The following MARCHF1 variants were observed in gnomAD, a reference collection of about 807,000 sequenced individuals.
MARCHF1 encodes E3 ubiquitin-protein ligase MARCHF1.
MARCHF1 carries 40 observed loss-of-function variants against 54.2 expected under a neutral mutation model. That is an observed-to-expected ratio of 0.74 (90% CI 0.57 to 0.96). MARCHF1 has a LOEUF of 0.96. MARCHF1 is among the 40% of genes least tolerant of loss of function. MARCHF1 has a pLI of 0.00. For missense variants in MARCHF1, 586 were observed against 656.5 expected (o/e 0.89, Z 1.17); for synonymous variants, 236 against 236.3 (o/e 1.00, Z 0.01).
chr4:163,719,535 G>C (rs562200248), intron 4 of MARCHF1, among the ~76,000 whole-genome samples: 3 of 151,952 alleles, frequency 2.0e-5, no homozygotes, highest in Non-Finnish European at 4.4e-5. Flanking sequence ...TAATCCTTTG[G>C]GTATATACGC....
intron 3 of MARCHF1, among the ~76,000 whole-genome samples, chr4:163,907,330 G>C (rs4356874): frequency 0.54 from 82,309 of 151,746 alleles, 23,371 homozygotes; most frequent in Middle Eastern, 0.67. Flanking sequence ...GTGTAATTTT[G>C]TCTTGTTTGT....
At chr4:163,940,942 T>A (rs138920251) in intron 3 of MARCHF1, among the ~76,000 whole-genome samples, 418 of 152,242 alleles carry the variant, frequency 2.7e-3, no homozygotes, top group Admixed American at 6.5e-3. Flanking sequence ...ATGTTTGTTA[T>A]TTTTTATGTC....
chr4:163,772,922 AAGG>A (rs1443426027), intron 4 of MARCHF1, among the ~76,000 whole-genome samples: 1 of 152,150 alleles, frequency 6.6e-6, no homozygotes, highest in Non-Finnish European at 1.5e-5. Context: ...TAGTATATGG[AAGG>A]AGAAGGAGGT....
intron 4 of MARCHF1, among the ~76,000 whole-genome samples, chr4:163,724,547 G>T (rs987494100): frequency 2.6e-5 from 4 of 152,144 alleles, no homozygotes; most frequent in Non-Finnish European, 4.4e-5. Flanking sequence ...GTCAGACAGG[G>T]ACATTTAAGT....
At chr4:163,969,778 A>G (rs1752513362) in intron 3 of MARCHF1, among the ~76,000 whole-genome samples, 1 of 152,240 alleles carries the variant, frequency 6.6e-6, no homozygotes, top group Non-Finnish European at 1.5e-5. Flanking sequence ...ATTACAGTAG[A>G]AATTTGAAAT....
intron 9 of MARCHF1, among the ~76,000 whole-genome samples, chr4:163,542,716 G>T (rs1445616054): frequency 6.6e-6 from 1 of 152,156 alleles, no homozygotes; most frequent in Non-Finnish European, 1.5e-5. Flanking sequence ...CACCATCAGG[G>T]TTTCATAGGT....
At chr4:163,657,134 A>G (rs976051437) in intron 5 of MARCHF1, among the ~76,000 whole-genome samples, 8 of 152,238 alleles carry the variant, frequency 5.3e-5, no homozygotes, top group Middle Eastern at 3.4e-3. Context: ...TTGTTTGCAG[A>G]TGACATGATC....
At chr4:163,855,253 C>T (rs2111173464) in intron 3 of MARCHF1, among the ~76,000 whole-genome samples, 2 of 152,186 alleles carry the variant, frequency 1.3e-5, no homozygotes, top group South Asian at 2.1e-4. Flanking sequence ...AGATACTCAA[C>T]AGAATGGATT....
intron 1 of MARCHF1, among the ~76,000 whole-genome samples, chr4:164,245,089 C>G (rs1002373629): frequency 2.2e-4 from 33 of 152,220 alleles, no homozygotes; most frequent in African/African-American, 7.9e-4. Context: ...AAAGAGGGAA[C>G]CCTCCCTAAC....
At chr4:164,193,753 C>T (rs998265145) in intron 1 of MARCHF1, among the ~76,000 whole-genome samples, 1 of 152,142 alleles carries the variant, frequency 6.6e-6, no homozygotes, top group Non-Finnish European at 1.5e-5. Flanking sequence ...TGTCCAAAAT[C>T]ACCCTGCATC....
At chr4:163,936,601 G>T (rs1317716512) in intron 3 of MARCHF1, among the ~76,000 whole-genome samples, 1 of 152,140 alleles carries the variant, frequency 6.6e-6, no homozygotes, top group African/African-American at 2.4e-5. Context: ...ATTAGACATT[G>T]TGACCTGGGA....
At chr4:164,365,360 A>G (rs1010778573) in intron 1 of MARCHF1, among the ~76,000 whole-genome samples, 1 of 152,048 alleles carries the variant, frequency 6.6e-6, no homozygotes, top group East Asian at 1.9e-4. Flanking sequence ...GGCATTAACA[A>G]GACTTTGCTT....
At chr4:163,598,657 A>G (rs567187373) in intron 7 of MARCHF1, among the ~76,000 whole-genome samples, 1 of 152,364 alleles carries the variant, frequency 6.6e-6, no homozygotes, top group East Asian at 1.9e-4. Context: ...GTACACCTGT[A>G]TAGTGCACTT....
intron 4 of MARCHF1, among the ~76,000 whole-genome samples, chr4:163,844,115 C>T (rs1042444843): frequency 1.3e-5 from 2 of 151,884 alleles, no homozygotes; most frequent in African/African-American, 2.4e-5. Flanking sequence ...TTTCCTGATC[C>T]TCTCCCTACC....
intron 5 of MARCHF1, among the ~76,000 whole-genome samples, chr4:163,676,829 A>C (rs1743935518): frequency 1.3e-5 from 2 of 152,128 alleles, no homozygotes; most frequent in Non-Finnish European, 2.9e-5. Context: ...AAAGCAAGAG[A>C]GAAAAAATTA....
intron 1 of MARCHF1, among the ~76,000 whole-genome samples, chr4:164,221,855 A>T (rs1029050366): frequency 6.6e-6 from 1 of 152,012 alleles, no homozygotes; most frequent in Non-Finnish European, 1.5e-5. Context: ...TGTCCACTCC[A>T]GACTAATCAC....
At chr4:164,311,291 A>G (rs376649095) in intron 1 of MARCHF1, among the ~76,000 whole-genome samples, 19 of 152,330 alleles carry the variant, frequency 1.2e-4, no homozygotes, top group African/African-American at 4.6e-4. Flanking sequence ...TGGGAAAAAA[A>G]AGGAAAATAA....
At chr4:164,101,822 G>A (rs371159946) in intron 2 of MARCHF1, among the ~76,000 whole-genome samples, 61,497 of 149,376 alleles carry the variant, frequency 0.41, 13,583 homozygotes, top group Non-Finnish European at 0.49. Context: ...TCTGAGCTAC[G>A]GGAGGACATT....
chr4:164,302,163 A>G (rs1734577094), intron 1 of MARCHF1, among the ~76,000 whole-genome samples: 1 of 152,206 alleles, frequency 6.6e-6, no homozygotes, highest in Admixed American at 6.5e-5. Context: ...ATTGAGACTG[A>G]TGATACTTCC....
Sources: gnomAD v4.1 joint callset for allele counts (sites outside exome capture counted in the v4.1 genomes callset) on GRCh38, gnomAD v4.1.1 for gene constraint, MANE v1.5 for transcripts, NCBI Gene and HGNC (gene_info 2026-07-23, HGNC 2026-07-21) for gene names.